YAF2: variants seen among roughly 807,000 people sequenced by gnomAD.
The protein encoded by YAF2 is YY1-associated factor 2.
A neutral mutation model predicts 20.1 loss-of-function variants in YAF2; 7 were observed. The ratio of observed to expected loss-of-function variants is 0.35; its 90% CI spans 0.20 to 0.65. The LOEUF (loss-of-function observed/expected upper bound fraction) is 0.65. Ranked by LOEUF, YAF2 falls within the 30% of genes least tolerant of loss-of-function variation. The pLI is 0.69. For synonymous variants in YAF2, 74 were observed against 76.0 expected, an observed-to-expected ratio of 0.97 and a Z score of 0.14; for missense variants, 151 against 219.2, an observed-to-expected ratio of 0.69 and a Z score of 1.96.
intron 2 of YAF2, among the ~76,000 whole-genome samples, chr12:42,175,798 TAAATGA>T (rs947178351): frequency 7.1e-6 from 1 of 140,914 alleles, no homozygotes; most frequent in Non-Finnish European, 1.6e-5. Flanking sequence ...AGGTCCCACT[TAAATGA>T]GGATCTGTAG....
At chr12:42,169,996 A>G (rs936650660) in intron 2 of YAF2, among the ~76,000 whole-genome samples, 6 of 152,004 alleles carry the variant, frequency 3.9e-5, no homozygotes, top group Non-Finnish European at 7.4e-5. Context: ...TCAGCCTCCA[A>G]AGTAACTGGT....
intron 2 of YAF2, among the ~76,000 whole-genome samples, chr12:42,237,026 T>TA (rs2068184548): frequency 6.6e-6 from 1 of 152,202 alleles, no homozygotes; most frequent in Admixed American, 6.5e-5. Flanking sequence ...GTACTTTCAG[T>TA]AAAAATCTGT....
chr12:42,237,769 AGGCCGCGCCCGGTGCCCGGGCCCCGC>A, intron 1 of YAF2, 45 bp from the exon 2 acceptor site: 1 of 1,355,912 alleles, frequency 7.4e-7, no homozygotes, highest in Non-Finnish European at 9.5e-7. Flanking sequence ...GGTCACCAGC[AGGCCGCGCCCGGTGCCCGGGCCCCGC>A]GGCCGCCCCC....
intron 2 of YAF2, among the ~76,000 whole-genome samples, chr12:42,211,736 T>G (rs1316007915): frequency 1.7e-4 from 21 of 124,668 alleles, no homozygotes; most frequent in African/African-American, 6.6e-4. Flanking sequence ...AGAGGGAGAC[T>G]CTGTCCAAAA....
At chr12:42,187,929 T>C (rs1045033911) in intron 2 of YAF2, among the ~76,000 whole-genome samples, 2 of 152,164 alleles carry the variant, frequency 1.3e-5, no homozygotes, top group African/African-American at 2.4e-5. Context: ...CCAGCTCTTA[T>C]GTCATGGGGA....
At chr12:42,165,309 G>A (rs963383057) in intron 2 of YAF2, among the ~76,000 whole-genome samples, 2 of 152,046 alleles carry the variant, frequency 1.3e-5, no homozygotes, top group African/African-American at 4.8e-5. Flanking sequence ...AGGAGAAACA[G>A]GTATCACAAT....
At chr12:42,171,956 CCT>C (rs912620378) in intron 2 of YAF2, among the ~76,000 whole-genome samples, 32 of 152,094 alleles carry the variant, frequency 2.1e-4, no homozygotes, top group African/African-American at 7.5e-4. Context: ...AGAGGGAGAC[CCT>C]GTCTCAAACA....
chr12:42,238,016 G>T, intron 1 of YAF2, 139 bp downstream of exon 1: 5 of 523,238 alleles, frequency 9.6e-6, no homozygotes, highest in Non-Finnish European at 1.3e-5. Context: ...GCCCCCTCAA[G>T]CGGCAGCACT....
intron 2 of YAF2, among the ~76,000 whole-genome samples, chr12:42,206,540 T>C (rs1328538204): frequency 6.6e-6 from 1 of 150,480 alleles, no homozygotes; most frequent in Admixed American, 6.6e-5. Context: ...ACCCAGGGGG[T>C]GGAGGTTGAA....
Position 42,237,651 on chromosome 12 carries a change from C to A in YAF2, c.100G>T (p.Ala34Ser). 3 of 1,581,670 alleles carry A rather than the reference C, an allele frequency of 1.9e-6. No homozygotes were observed. Among genetic ancestry groups the A allele is most frequent in the Non-Finnish European group, 2.6e-6 (3 of 1,165,320 alleles). The change falls in exon 2 of 4, where the codon GCC (alanine) becomes TCC (serine). Residue 34 changes from alanine to serine, a missense_variant. Coordinates refer to ENST00000534854, the MANE Select transcript of YAF2 (RefSeq NM_005748.6). The part of the protein sequence containing the change: ...DCSVCTFRNS[A>S]EAFKCMMCDV... Reference sequence around the variant, plus strand: ...CACATCATGCACTTGAAGGCCTCGGCGCTGTTCCGGAAGGTGCAGACGCTA... The same window carrying A: ...CACATCATGCACTTGAAGGCCTCGGAGCTGTTCCGGAAGGTGCAGACGCTA...
At chr12:42,169,524 C>T (rs2065991910) in intron 2 of YAF2, among the ~76,000 whole-genome samples, 4 of 151,926 alleles carry the variant, frequency 2.6e-5, no homozygotes, top group Admixed American at 2.6e-4. Context: ...AGCAATCCTC[C>T]CCTCTCAGCC....
intron 2 of YAF2, among the ~76,000 whole-genome samples, chr12:42,227,686 C>G (rs562638348): frequency 1.3e-4 from 20 of 150,542 alleles, no homozygotes; most frequent in Non-Finnish European, 1.8e-4. Context: ...CGCCCGGCAG[C>G]CACCCCATCT....
At chr12:42,197,831 C>T (rs11830248) in intron 2 of YAF2, among the ~76,000 whole-genome samples, 3,394 of 152,200 alleles carry the variant, frequency 0.022, 119 homozygotes, top group African/African-American at 0.078. Flanking sequence ...ACATGGATAA[C>T]TAGTATTAGA....
chr12:42,233,668 C>A, intron 2 of YAF2: 1 of 684,800 alleles, frequency 1.5e-6, no homozygotes, highest in Non-Finnish European at 1.8e-6. Flanking sequence ...TGCACCACCA[C>A]ACCCAGCTAA....
chr12:42,191,876 T>C (rs926776671), intron 2 of YAF2, among the ~76,000 whole-genome samples: 4 of 150,938 alleles, frequency 2.7e-5, no homozygotes, highest in Admixed American at 2.6e-4. Context: ...TCATTTGAGG[T>C]CAGGAGTGTT....
chr12:42,236,147 G>T (rs899058498), intron 2 of YAF2: 1 of 1,220,076 alleles, frequency 8.2e-7, no homozygotes, highest in Non-Finnish European at 1.1e-6. Context: ...TCCAAAAAAC[G>T]AATTTTCTAA....
chr12:42,229,275 G>A (rs1277100317), intron 2 of YAF2, among the ~76,000 whole-genome samples: 2,442 of 122,728 alleles, frequency 0.02, 97 homozygotes, highest in African/African-American at 0.075. Context: ...CAAACACTGC[G>A]GAAGGCCGCA....
At chr12:42,196,844 C>A (rs1196854671) in intron 2 of YAF2, among the ~76,000 whole-genome samples, 2 of 152,144 alleles carry the variant, frequency 1.3e-5, no homozygotes, top group Admixed American at 1.3e-4. Context: ...AGACTATGAG[C>A]AAACCGATAC....
intron 2 of YAF2, among the ~76,000 whole-genome samples, chr12:42,205,378 C>CT (rs572839071): frequency 0.021 from 2,905 of 140,628 alleles, 85 homozygotes; most frequent in African/African-American, 0.065. Context: ...TGCTTCTTCT[C>CT]TTTTTTTTTT....
Sources: allele counts gnomAD v4.1 joint callset (sites outside exome capture counted in the v4.1 genomes callset), GRCh38; gene constraint gnomAD v4.1.1; transcripts MANE v1.5; gene names NCBI Gene and HGNC (gene_info 2026-07-23, HGNC 2026-07-21).